RASGRF1: variants seen among roughly 807,000 people sequenced by gnomAD.
RASGRF1 encodes Ras protein specific guanine nucleotide releasing factor 1, also known as ras-specific guanine nucleotide-releasing factor 1.
RASGRF1 carries 40 observed loss-of-function variants against 138.7 expected under a neutral mutation model. That is an observed-to-expected ratio of 0.29 (90% confidence interval 0.22 to 0.38). RASGRF1 has a LOEUF of 0.38. Ranked by LOEUF, RASGRF1 falls within the 10% of genes least tolerant of loss-of-function variation. RASGRF1 has a pLI of 1.00. For missense variants in RASGRF1, 1,108 were observed against 1,650.4 expected (o/e 0.67, Z 5.69); for synonymous variants, 614 against 663.2 (o/e 0.93, Z 1.14).
At chr15:78,970,621 CAAAAAA>C (rs55689628) in intron 26 of RASGRF1, among the ~76,000 whole-genome samples, 1 of 57,902 alleles carries the variant, frequency 1.7e-5, no homozygotes, top group Non-Finnish European at 3.5e-5. Context: ...GACTCTGTCT[CAAAAAA>C]AAAAAAAAAA....
chr15:79,020,180 TGGAGGGGACTTTAACAA>T, intron 10 of RASGRF1, 76 bp from the exon 11 acceptor site: 1 of 1,392,904 alleles, frequency 7.2e-7, no homozygotes, highest in South Asian at 1.2e-5. Flanking sequence ...ATGATAGGGT[TGGAGGGGACTTTAACAA>T]GGAGCATCCA....
intron 1 of RASGRF1, among the ~76,000 whole-genome samples, chr15:79,078,411 C>T (rs1038931140): frequency 5.9e-5 from 9 of 152,210 alleles, no homozygotes; most frequent in Admixed American, 3.3e-4. Flanking sequence ...CCTGGCTGCA[C>T]GTGCTCATGC....
chr15:79,027,648 C>G lies in RASGRF1; in HGVS notation c.1381+93G>C. ...TTGGCAGGTCTTGGCATGTGGCAGCCAAACCAACTGGTGGCGTCCCCGAGT... is the reference window on the plus strand; with the variant it reads ...TTGGCAGGTCTTGGCATGTGGCAGCGAAACCAACTGGTGGCGTCCCCGAGT... On this transcript the variant is annotated intron_variant, in intron 9 of 26. Coordinates refer to ENST00000558480, the MANE Select transcript of RASGRF1 (RefSeq NM_001145648.3). The surrounding 1 kb of genome is among the most constrained non-coding windows in gnomAD (Gnocchi z 4.8). 1 of 1,199,122 alleles carries G rather than the reference C, an allele frequency of 8.3e-7. No individual in the cohort carries two copies. The allele number at this position is 1,199,122 out of a possible 1,614,324, so 74.3% of individuals were successfully genotyped here.
intron 26 of RASGRF1, among the ~76,000 whole-genome samples, chr15:78,969,467 G>T (rs890226428): frequency 1.3e-5 from 2 of 152,094 alleles, no homozygotes; most frequent in African/African-American, 4.8e-5. Context: ...TCAGGAGTTT[G>T]AGACCAGCCT....
At chr15:78,989,216 G>C (rs138730134) in intron 22 of RASGRF1, among the ~76,000 whole-genome samples, 1 of 152,320 alleles carries the variant, frequency 6.6e-6, no homozygotes, top group Non-Finnish European at 1.5e-5. Context: ...CTGGGGGTGT[G>C]TGATGCACCC....
intron 14 of RASGRF1, 106 bp from the exon 15 acceptor site, chr15:79,004,281 T>C: frequency 7.3e-7 from 1 of 1,366,748 alleles, no homozygotes. Context: ...AACGGCTCCA[T>C]CATTCTTAGG....
rs549983413 is a variant in RASGRF1, at chr15:79,059,455, TCC to T, written c.384-976_384-975del. Among the ~76,000 whole-genome samples the T allele has an allele frequency of 3.3e-4, 48 of 146,310 alleles. No homozygotes were observed. In the East Asian group the frequency reaches 4.9e-3, roughly 15 times the overall value. ...TCCCTTATCCTTCCCTATCCTTCTA[TCC>T]CCCCTCGTGCAGGTGCAATCTTTAC... is the stretch of plus-strand genomic sequence containing the variant. On this transcript the variant is annotated intron_variant, in intron 2 of 26. Transcript: ENST00000558480.
At position 79,027,960 on chromosome 15, in the gene RASGRF1, C is replaced by T. The variant is rs1413735242; in HGVS notation, c.1263-101G>A. On this transcript the variant is annotated intron_variant, in intron 8 of 26. Transcript: ENST00000558480. The surrounding 1 kb of genome is among the most constrained non-coding windows in gnomAD (Gnocchi z 4.8). ...GGCCAGACCTAGGAAGAAAGCCTGG[C>T]ACAAGGATTCTCAGGTGGAGTCTGT... is the stretch of plus-strand genomic sequence containing the variant. 4 of 1,181,670 alleles carry T rather than the reference C, an allele frequency of 3.4e-6. No homozygotes were observed. The highest frequency in any genetic ancestry group is 1.8e-5 in the Admixed American group (1 of 56,748). The allele number at this position is 1,181,670 out of a possible 1,614,324, so 73.2% of individuals were successfully genotyped here. A position where few individuals can be genotyped will look rare whatever the true frequency, so the allele number is the denominator to read the frequency against.
At chr15:79,007,790 C>T (rs896440881) in intron 13 of RASGRF1, among the ~76,000 whole-genome samples, 3 of 151,344 alleles carry the variant, frequency 2.0e-5, no homozygotes, top group African/African-American at 7.3e-5. Flanking sequence ...AGGGCTCAAG[C>T]AATCCTCCTG....
Position 79,046,751 on chromosome 15 carries a change from C to G in RASGRF1, c.873G>C (p.Leu291=). The change falls in exon 5 of 27, where the codon CTG becomes CTC. Residue 291 remains leucine (L), a synonymous_variant. Coordinates refer to ENST00000558480, the MANE Select transcript of RASGRF1 (RefSeq NM_001145648.3). This position sits in a 1 kb window ranked among gnomAD's most constrained non-coding sequence, Gnocchi z 5.3. ...ITHDDVSSIF[L]NSETIMFLHQ... is the part of the protein sequence containing the mutation. ...CAACCTTTAGGGGTGCTCACCTGTT[C>G]AGGAAGATGCTGCTGACGTCGTCGT... is the stretch of plus-strand genomic sequence containing the variant. 1.9e-6 allele frequency: 3 copies of G among 1,614,214 alleles called. No individual in the cohort carries two copies. The highest frequency in any genetic ancestry group is 2.5e-6 in the Non-Finnish European group (3 of 1,180,036).
chr15:79,083,968 A>G (rs1411240898), intron 1 of RASGRF1, among the ~76,000 whole-genome samples: 1 of 151,700 alleles, frequency 6.6e-6, no homozygotes, highest in Non-Finnish European at 1.5e-5. Context: ...AAAATTATAT[A>G]CATTTAAATC....
intron 3 of RASGRF1, among the ~76,000 whole-genome samples, chr15:79,054,148 A>G (rs1206012455): frequency 6.6e-6 from 1 of 152,238 alleles, no homozygotes; most frequent in East Asian, 1.9e-4. Context: ...GGCCAATGGT[A>G]GAAGCAGGCT....
chr15:79,041,309 C>T (rs1037104239), intron 5 of RASGRF1, among the ~76,000 whole-genome samples: 3 of 152,226 alleles, frequency 2.0e-5, no homozygotes, highest in African/African-American at 7.2e-5. Flanking sequence ...ATAAAGTCCA[C>T]CCACCCCTGT....
At chr15:79,063,269 C>A (rs1416950071) in intron 2 of RASGRF1, among the ~76,000 whole-genome samples, 1 of 152,172 alleles carries the variant, frequency 6.6e-6, no homozygotes, top group Non-Finnish European at 1.5e-5. Context: ...ATGTGACAAC[C>A]TGGTCTCTGT....
chr15:79,031,944 A>G (rs1339865206), intron 7 of RASGRF1, among the ~76,000 whole-genome samples, 179 bp downstream of exon 7: 1 of 152,082 alleles, frequency 6.6e-6, no homozygotes, highest in African/African-American at 2.4e-5. Context: ...TGGCGTGGAC[A>G]GGCCCACAGT....
intron 1 of RASGRF1, among the ~76,000 whole-genome samples, chr15:79,076,415 AC>A (rs1227340714): frequency 6.6e-6 from 1 of 151,996 alleles, no homozygotes; most frequent in Admixed American, 6.6e-5. Flanking sequence ...CATACTAGAA[AC>A]CCAGGACTTC....
In RASGRF1 at chr15:79,020,113, G is replaced by C. The variant is rs758673487; in HGVS notation, c.1543-9C>G. ...AGGGATATGACTCCATTCTGAAAAA[G>C]AGCAGCAGGGGCTGCTTTGGATTGA... On this transcript the variant is annotated splice_polypyrimidine_tract_variant and intron_variant, in intron 10 of 26. Transcript: ENST00000558480. 1 of 1,613,552 alleles carries C rather than the reference G, an allele frequency of 6.2e-7. No individual in the cohort carries two copies. Among genetic ancestry groups the C allele is most frequent in the Admixed American group, 1.7e-5 (1 of 60,024 alleles).
At chr15:79,068,757 T>C (rs1355604654) in intron 1 of RASGRF1, among the ~76,000 whole-genome samples, 2 of 152,052 alleles carry the variant, frequency 1.3e-5, no homozygotes, top group African/African-American at 4.8e-5. Context: ...ATCTCTCCCA[T>C]AGCTCTCAGA....
chr15:79,049,658 G>A, intron 3 of RASGRF1, 70 bp from the exon 4 acceptor site: 2 of 1,389,974 alleles, frequency 1.4e-6, no homozygotes, highest in Non-Finnish European at 2.0e-6. Flanking sequence ...TTGGCCGGTG[G>A]GTGGCAGGAA....
Sources: gnomAD v4.1 joint callset for allele counts (sites outside exome capture counted in the v4.1 genomes callset) on GRCh38, gnomAD v4.1.1 for gene constraint, Gnocchi (gnomAD v3.1) non-coding constraint, MANE v1.5 for transcripts, NCBI Gene and HGNC (gene_info 2026-07-23, HGNC 2026-07-21) for gene names.